The following GABARAPL2 variants were observed in gnomAD, a reference collection of about 807,000 sequenced individuals.
GABARAPL2 encodes gamma-aminobutyric acid receptor-associated protein-like 2.
GABARAPL2 carries 11 observed loss-of-function variants against 16.9 expected under a neutral mutation model. That is an observed-to-expected ratio of 0.65 (90% CI 0.41 to 1.08). The LOEUF is 1.08. Ranked by LOEUF, GABARAPL2 falls within the 50% of genes least tolerant of loss-of-function variation. GABARAPL2 has a pLI of 0.00. For synonymous variants in GABARAPL2, 57 were observed against 50.7 expected (o/e 1.12, Z -0.53); for missense variants, 134 against 142.5 (o/e 0.94, Z 0.30).
chr16:75,566,436 G>C lies in GABARAPL2; in HGVS notation c.-51G>C, dbSNP rs763117712. 7.1e-7 allele frequency: 1 copy of C among 1,400,694 alleles called. No individual in the cohort carries two copies. Among genetic ancestry groups the C allele is most frequent in the South Asian group, 1.2e-5 (1 of 84,112 alleles). 86.8% of individuals were successfully genotyped at this position (1,400,694 alleles called of 1,614,324 possible). On this transcript the variant is annotated 5_prime_UTR_variant, in exon 1 of 4. Coordinates refer to ENST00000037243, the MANE Select transcript of GABARAPL2 (RefSeq NM_007285.7). ...CCGTCGTTGTTGTTGTGCTCGGTGC[G>C]CTGAGCTCCGCGGCTCCGCGAGCCG... is the stretch of plus-strand genomic sequence containing the variant.
At chr16:75,570,066 T>C (rs1480312028) in intron 3 of GABARAPL2, among the ~76,000 whole-genome samples, 1 of 152,178 alleles carries the variant, frequency 6.6e-6, no homozygotes, top group Admixed American at 6.5e-5. Context: ...CTACACTTAA[T>C]GCAACTGTTT....
intron 1 of GABARAPL2, 34 bp from the exon 2 acceptor site, chr16:75,566,818 G>T: frequency 6.3e-7 from 1 of 1,598,952 alleles, no homozygotes. Context: ...CGGTGGGCAG[G>T]CGCGGCCGTC....
intron 3 of GABARAPL2, chr16:75,572,217 G>T (rs1307369335): frequency 6.6e-6 from 1 of 152,182 alleles, no homozygotes; most frequent in African/African-American, 2.4e-5. Context: ...GAATCTTGGG[G>T]AGCCTCAGGG....
rs2080930202 is a variant in GABARAPL2, at chr16:75,573,695, A to G, written c.264-3584A>G. Among the ~76,000 whole-genome samples, 4 of 152,350 alleles carry G rather than the reference A, an allele frequency of 2.6e-5. No homozygotes were observed. The South Asian group carries it at 8.3e-4, about 32-fold the overall frequency. ...GCTTGATGTTCCGATGGTTGGTACC[A>G]ACATTTGTATGAGAAGCACTGTTCT... On this transcript the variant is annotated intron_variant, in intron 3 of 3. Coordinates refer to ENST00000037243, the MANE Select transcript of GABARAPL2 (RefSeq NM_007285.7).
rs1310550438 is a variant in GABARAPL2, at chr16:75,577,832, T to G, written c.*463T>G. ...GACTGAGCTAATTTGTTCCTCTTTCTGAAACTATTAAGGTAAATAATTAAC... is the reference window on the plus strand; with the variant it reads ...GACTGAGCTAATTTGTTCCTCTTTCGGAAACTATTAAGGTAAATAATTAAC... On this transcript the variant is annotated 3_prime_UTR_variant, in exon 4 of 4. Transcript: ENST00000037243. The G allele has an allele frequency of 1.9e-5, 3 of 156,716 alleles. No individual in the cohort carries two copies. The highest frequency in any genetic ancestry group is 2.8e-5 in the Non-Finnish European group (2 of 70,550). 9.7% of individuals were successfully genotyped at this position (156,716 alleles called of 1,614,324 possible).
intron 3 of GABARAPL2, among the ~76,000 whole-genome samples, chr16:75,574,592 G>A (rs983210208): frequency 1.3e-5 from 2 of 152,058 alleles, no homozygotes; most frequent in African/African-American, 4.8e-5. Flanking sequence ...AATCTTGGGA[G>A]ACTCAGCTAC....
intron 3 of GABARAPL2, among the ~76,000 whole-genome samples, chr16:75,571,293 ATAT>A (rs2080912766): frequency 6.6e-6 from 1 of 152,116 alleles, no homozygotes; most frequent in Admixed American, 6.5e-5. Context: ...GCCTGGCCAG[ATAT>A]TATAACTGAC....
intron 3 of GABARAPL2, among the ~76,000 whole-genome samples, chr16:75,571,487 C>T (rs552153140): frequency 5.9e-5 from 9 of 152,258 alleles, no homozygotes; most frequent in African/African-American, 2.2e-4. Flanking sequence ...GCTGAGAATC[C>T]ACCCTAAAGC....
At chr16:75,568,429 A>G (rs1248433011) in intron 3 of GABARAPL2, 1 of 395,262 alleles carries the variant, frequency 2.5e-6, no homozygotes, top group African/African-American at 2.0e-5. Flanking sequence ...TTTTAAAAAA[A>G]TGATGAAACT....
At chr16:75,567,460 A>T (rs1223806348) in intron 2 of GABARAPL2, among the ~76,000 whole-genome samples, 1 of 152,158 alleles carries the variant, frequency 6.6e-6, no homozygotes. Flanking sequence ...ATAGTTTTGT[A>T]ATCGTTATTA....
At chr16:75,569,323 G>A (rs528850662) in intron 3 of GABARAPL2, among the ~76,000 whole-genome samples, 3 of 152,302 alleles carry the variant, frequency 2.0e-5, no homozygotes, top group South Asian at 2.1e-4. Flanking sequence ...TCAACCTGAG[G>A]AGACACCCCA....
intron 3 of GABARAPL2, among the ~76,000 whole-genome samples, chr16:75,571,095 G>A (rs1323130354): frequency 6.6e-6 from 1 of 152,122 alleles, no homozygotes; most frequent in East Asian, 1.9e-4. Flanking sequence ...TTTTATTGTT[G>A]TTGAGACAAG....
At position 75,568,180 on chromosome 16, in the gene GABARAPL2, G is replaced by A. The variant is rs373239692; in HGVS notation, c.234G>A (p.Leu78=). 1.2e-6 allele frequency: 2 copies of A among 1,612,924 alleles called. No homozygotes were observed. Among genetic ancestry groups the A allele is most frequent in the Non-Finnish European group, 1.7e-6 (2 of 1,178,930 alleles). The change falls in exon 3 of 4, where the codon CTG becomes CTA. Residue 78 remains leucine (L), a synonymous_variant. Coordinates refer to ENST00000037243, the MANE Select transcript of GABARAPL2 (RefSeq NM_007285.7). ...TTCCTTCTGAAAAGGCGATCTTCCT[G>A]TTTGTGGATAAGACAGTCCCACAGT... The part of the protein sequence containing the change: ...IQLPSEKAIF[L]FVDKTVPQSS...
intron 3 of GABARAPL2, among the ~76,000 whole-genome samples, chr16:75,573,300 G>A (rs1335604881): frequency 6.6e-6 from 1 of 152,200 alleles, no homozygotes; most frequent in Non-Finnish European, 1.5e-5. Flanking sequence ...TTGTGGCCCA[G>A]CTCATTTTGG....
chr16:75,571,224 C>CCTG, intron 3 of GABARAPL2, among the ~76,000 whole-genome samples: 1 of 152,212 alleles, frequency 6.6e-6, no homozygotes. Flanking sequence ...CTCCTGGCTA[C>CCTG]AGGTGATCCT....
chr16:75,566,735 C>G (rs1355975058), intron 1 of GABARAPL2, 117 bp from the exon 2 acceptor site: 2 of 1,091,546 alleles, frequency 1.8e-6, no homozygotes, highest in African/African-American at 3.1e-5. Flanking sequence ...ACCGCGGCCC[C>G]GGGGACGCCG....
intron 3 of GABARAPL2, among the ~76,000 whole-genome samples, chr16:75,570,187 C>G (rs1046747610): frequency 3.9e-5 from 6 of 152,230 alleles, no homozygotes; most frequent in African/African-American, 1.4e-4. Context: ...TCTCTGCCTC[C>G]TAGGTTCAAG....
rs546889106 is a variant in GABARAPL2, at chr16:75,577,576, T to C, written c.*207T>C. 77 of 505,428 alleles carry C rather than the reference T, an allele frequency of 1.5e-4. No homozygotes were observed. The highest frequency in any genetic ancestry group is 1.4e-3 in the African/African-American group (71 of 52,208). 31.3% of individuals were successfully genotyped at this position (505,428 alleles called of 1,614,324 possible). On this transcript the variant is annotated 3_prime_UTR_variant, in exon 4 of 4. Transcript: ENST00000037243. Reference sequence around the variant, plus strand: ...TATTTTGAGTTTTTCTTTTTGTGCATTGTCCTCATGCCTGTATTCTCCAGG... The same window carrying C: ...TATTTTGAGTTTTTCTTTTTGTGCACTGTCCTCATGCCTGTATTCTCCAGG...
intron 3 of GABARAPL2, among the ~76,000 whole-genome samples, chr16:75,573,351 G>A (rs541452812): frequency 6.6e-6 from 1 of 152,232 alleles, no homozygotes; most frequent in Non-Finnish European, 1.5e-5. Context: ...TATGCAGTCA[G>A]ATCCCGTAAG....
Sources: allele counts gnomAD v4.1 joint callset (sites outside exome capture counted in the v4.1 genomes callset), GRCh38; gene constraint gnomAD v4.1.1; transcripts MANE v1.5; gene names NCBI Gene and HGNC (gene_info 2026-07-23, HGNC 2026-07-21).